The following USP4 variants were observed in gnomAD, a reference collection of about 807,000 sequenced individuals.
The protein encoded by USP4 is ubiquitin carboxyl-terminal hydrolase 4.
USP4 carries 72 observed loss-of-function variants against 118.2 expected under a neutral mutation model. The ratio of observed to expected loss-of-function variants is 0.61; its 90% CI spans 0.50 to 0.74. The LOEUF is 0.74. Ranked by LOEUF, USP4 falls within the 30% of genes least tolerant of loss-of-function variation. USP4 has a pLI of 0.00. For missense variants in USP4, 1,037 were observed against 1,185.7 expected, an observed-to-expected ratio of 0.87 and a Z score of 1.84; for synonymous variants, 415 against 440.4, an observed-to-expected ratio of 0.94 and a Z score of 0.72.
Position 49,284,052 on chromosome 3 carries a change from G to A in USP4, c.2475C>T (p.Leu825=), listed in dbSNP as rs199788478. Residue 825 remains leucine, a synonymous_variant, in exon 19 of 22, where the codon CTC becomes CTT. Transcript: ENST00000265560. ...WSLPKILVVH[L]KRFSYNRYWR... Reference sequence around the variant, plus strand: ...AGTATCTGTTGTAGGAGAAACGTTTGAGGTGGACCACCAGGATCTTGGGCA... The same window carrying A: ...AGTATCTGTTGTAGGAGAAACGTTTAAGGTGGACCACCAGGATCTTGGGCA... 4 of 1,614,134 alleles carry A rather than the reference G, an allele frequency of 2.5e-6. No individual in the cohort carries two copies.
intron 1 of USP4, among the ~76,000 whole-genome samples, chr3:49,337,346 G>T (rs1161481366): frequency 6.6e-6 from 1 of 151,588 alleles, no homozygotes; most frequent in Admixed American, 6.6e-5. Context: ...ATATAATAGT[G>T]CCTATTGTTC....
intron 6 of USP4, among the ~76,000 whole-genome samples, chr3:49,314,369 G>A (rs1014015588): frequency 1.3e-5 from 2 of 152,142 alleles, no homozygotes; most frequent in African/African-American, 4.8e-5. Flanking sequence ...AAGAGGATTT[G>A]GTTCACACAG....
chr3:49,317,165 G>A (rs1240898444), intron 6 of USP4: 2 of 1,450,154 alleles, frequency 1.4e-6, no homozygotes, highest in Non-Finnish European at 1.9e-6. Flanking sequence ...AGGACACTGA[G>A]CAAAGTCTGG....
chr3:49,298,075 T>C (rs951250815), intron 12 of USP4, 111 bp from the exon 13 acceptor site: 2 of 736,064 alleles, frequency 2.7e-6, no homozygotes, highest in Non-Finnish European at 4.5e-6. Flanking sequence ...AAATGTTGCC[T>C]CTAGAGAAAC....
At chr3:49,287,481 C>CT (rs1191274761) in intron 15 of USP4, among the ~76,000 whole-genome samples, 15 of 150,314 alleles carry the variant, frequency 1.0e-4, no homozygotes, top group South Asian at 2.1e-4. Context: ...GGTCAATTGC[C>CT]TTTTTTTTTG....
intron 8 of USP4, 43 bp downstream of exon 8, chr3:49,310,577 C>A: frequency 6.4e-7 from 1 of 1,555,174 alleles, no homozygotes; most frequent in Non-Finnish European, 8.9e-7. Flanking sequence ...TCCACCCAAA[C>A]CTCAAGATGC....
chr3:49,321,568 C>G (rs539811754), intron 6 of USP4, among the ~76,000 whole-genome samples: 4 of 152,112 alleles, frequency 2.6e-5, no homozygotes, highest in African/African-American at 9.6e-5. Flanking sequence ...CAATCCCCAC[C>G]ACCATTCTCA....
intron 2 of USP4, among the ~76,000 whole-genome samples, chr3:49,328,946 G>A (rs745470023): frequency 5.9e-5 from 9 of 152,028 alleles, no homozygotes; most frequent in African/African-American, 1.2e-4. Context: ...TTCGGAGGCC[G>A]AGGTGGGCAG....
intron 9 of USP4, 133 bp downstream of exon 9, chr3:49,305,582 G>A (rs1252706860): frequency 1.1e-5 from 7 of 636,290 alleles, no homozygotes; most frequent in Non-Finnish European, 1.7e-5. Context: ...TTTGGAATGG[G>A]GATGCTGAAC....
At chr3:49,278,488 G>T in intron 21 of USP4, 37 bp from the exon 22 acceptor site, 1 of 1,597,326 alleles carries the variant, frequency 6.3e-7, no homozygotes, top group South Asian at 1.1e-5. Context: ...TTCAGTGCTT[G>T]GAAAAATCAC....
intron 1 of USP4, among the ~76,000 whole-genome samples, chr3:49,336,231 G>GTATGA (rs1202866837): frequency 1.4e-5 from 2 of 138,682 alleles, no homozygotes; most frequent in Admixed American, 1.5e-4. Context: ...GAGTGCAGTG[G>GTATGA]TATGATCTTG....
chr3:49,316,919 GC>G (rs926326037), intron 6 of USP4: 29 of 614,610 alleles, frequency 4.7e-5, no homozygotes, highest in African/African-American at 4.4e-4. Context: ...CACAGGCTGT[GC>G]CCCGGGCTTG....
At chr3:49,280,909 T>A in intron 19 of USP4, 62 bp from the exon 20 acceptor site, 2 of 1,415,554 alleles carry the variant, frequency 1.4e-6, no homozygotes, top group South Asian at 2.4e-5. Flanking sequence ...TAGTTAAGAG[T>A]AACCCAGCAA....
At chr3:49,312,486 AAT>A in intron 6 of USP4, 2 of 453,146 alleles carry the variant, frequency 4.4e-6, no homozygotes, top group Non-Finnish European at 8.8e-6. Flanking sequence ...AAAAAAAAAA[AAT>A]TAGCCAGATG....
chr3:49,336,832 A>G (rs1209293272), intron 1 of USP4, among the ~76,000 whole-genome samples: 4 of 151,942 alleles, frequency 2.6e-5, no homozygotes, highest in Non-Finnish European at 4.4e-5. Flanking sequence ...ACAAGTCATT[A>G]ATTTCATAAT....
intron 6 of USP4, chr3:49,317,507 C>T (rs1194519391): frequency 1.6e-6 from 1 of 638,654 alleles, no homozygotes; most frequent in Non-Finnish European, 2.8e-6. Flanking sequence ...TGGAGTTTCA[C>T]TCTTTTTTTG....
intron 8 of USP4, among the ~76,000 whole-genome samples, chr3:49,309,941 A>ATTTTTTTTTTTTTTTTTTTTTTTT (rs2047365541): frequency 6.5e-5 from 1 of 15,402 alleles, no homozygotes; most frequent in African/African-American, 3.1e-4. Flanking sequence ...CTTTTTTTTA[A>ATTTTTTTTTTTTTTTTTTTTTTTT]TCTTTTTTTT....
In USP4 at chr3:49,277,500, CA is replaced by C. The variant is rs1239305143; in HGVS notation, c.*792del. ...GGAGCCCTTTCCCGGCTAACTCCCA[CA>C]AAGATTTCTGTTCTCAAGCCAACAT... On this transcript the variant is annotated 3_prime_UTR_variant, in exon 22 of 22. Transcript: ENST00000265560. The C allele has an allele frequency of 4.7e-6, 1 of 212,378 alleles. No homozygotes were observed. The highest frequency in any genetic ancestry group is 5.3e-5 in the Admixed American group (1 of 18,924). 13.2% of individuals were successfully genotyped at this position (212,378 alleles called of 1,614,324 possible). A position where few individuals can be genotyped will look rare whatever the true frequency, so the allele number is the denominator to read the frequency against.
At chr3:49,321,760 G>C (rs188561848) in intron 6 of USP4, among the ~76,000 whole-genome samples, 2 of 151,986 alleles carry the variant, frequency 1.3e-5, no homozygotes, top group South Asian at 4.1e-4. Flanking sequence ...TTGGGAGGCC[G>C]AGGCAGGCGG....
Sources: gnomAD v4.1 joint callset for allele counts (sites outside exome capture counted in the v4.1 genomes callset) on GRCh38, gnomAD v4.1.1 for gene constraint, MANE v1.5 for transcripts, NCBI Gene and HGNC (gene_info 2026-07-23, HGNC 2026-07-21) for gene names.